MEGF10: variants seen among roughly 807,000 people sequenced by gnomAD.
MEGF10 encodes the protein multiple EGF like domains 10.
Under a neutral mutation model 147.5 loss-of-function variants are expected in MEGF10, and 86 were observed. That is an observed-to-expected ratio of 0.58 (90% confidence interval 0.49 to 0.70). The LOEUF (loss-of-function observed/expected upper bound fraction) is 0.70. MEGF10 is among the 30% of genes least tolerant of loss of function. The pLI is 0.00. For synonymous variants in MEGF10, 478 were observed against 525.5 expected, an observed-to-expected ratio of 0.91 and a Z score of 1.24; for missense variants, 1,329 against 1,487.3, an observed-to-expected ratio of 0.89 and a Z score of 1.75.
the MEGF10 span, among the ~76,000 whole-genome samples, chr5:127,263,729 G>T: frequency 6.6e-6 from 1 of 152,048 alleles, no homozygotes; most frequent in Non-Finnish European, 1.5e-5. Context: ...TGGTTTTTAG[G>T]CTAAGTAATC....
rs192438558 is a variant in MEGF10, at chr5:127,349,200, C to G, written c.319+8570C>G. Among the ~76,000 whole-genome samples the G allele has an allele frequency of 7.9e-5, 12 of 152,242 alleles. No individual in the cohort carries two copies. The East Asian group carries it at 1.7e-3, about 22-fold the overall frequency. On this transcript the variant is annotated intron_variant, in intron 4 of 24. Transcript: ENST00000503335. ...TGAACGCTATAGATTTTGATTCTCTCTCACATTTCTGTGCTTAACTGAAAA... is the reference window on the plus strand; with the variant it reads ...TGAACGCTATAGATTTTGATTCTCTGTCACATTTCTGTGCTTAACTGAAAA...
At chr5:127,272,676 T>C in the MEGF10 span, among the ~76,000 whole-genome samples, 2 of 152,304 alleles carry the variant, frequency 1.3e-5, no homozygotes, top group Admixed American at 6.5e-5. Context: ...TGGTATTTTA[T>C]TCTTTTTGTG....
intron 1 of MEGF10, among the ~76,000 whole-genome samples, chr5:127,324,224 G>C (rs941652864): frequency 6.6e-6 from 1 of 152,174 alleles, no homozygotes; most frequent in Non-Finnish European, 1.5e-5. Context: ...GACAGGCCAG[G>C]AAAATTAAGA....
At chr5:127,406,187 A>G (rs1764313712) in intron 8 of MEGF10, among the ~76,000 whole-genome samples, 1 of 152,246 alleles carries the variant, frequency 6.6e-6, no homozygotes, top group South Asian at 2.1e-4. Context: ...CAATAAACAT[A>G]CAAGGCAAAT....
chr5:127,230,929 A>C, the MEGF10 span, among the ~76,000 whole-genome samples: 1 of 152,140 alleles, frequency 6.6e-6, no homozygotes, highest in Non-Finnish European at 1.5e-5. Flanking sequence ...GAAGAGGCAA[A>C]ATTGCCCAGA....
chr5:127,298,227 C>T (rs1337182868), intron 1 of MEGF10, among the ~76,000 whole-genome samples: 1 of 152,174 alleles, frequency 6.6e-6, no homozygotes, highest in African/African-American at 2.4e-5. Flanking sequence ...GTGGCTTCAG[C>T]GCTGTCCTGC....
chr5:127,257,702 G>A, the MEGF10 span, among the ~76,000 whole-genome samples: 1 of 152,036 alleles, frequency 6.6e-6, no homozygotes, highest in Non-Finnish European at 1.5e-5. Context: ...GCCATATTAG[G>A]GGTATCTTTT....
intron 9 of MEGF10, among the ~76,000 whole-genome samples, chr5:127,412,681 A>AAAAC (rs202213903): frequency 0.017 from 2,530 of 152,284 alleles, 70 homozygotes; most frequent in African/African-American, 0.058. Context: ...GCAGCATTAA[A>AAAAC]AAACAAACAA....
At chr5:127,242,623 C>T in the MEGF10 span, among the ~76,000 whole-genome samples, 12 of 152,210 alleles carry the variant, frequency 7.9e-5, 1 homozygote, top group Admixed American at 5.2e-4. Context: ...TTAGAATCAT[C>T]TGAAGTTATT....
chr5:127,266,746 GC>G, the MEGF10 span, among the ~76,000 whole-genome samples: 1 of 152,194 alleles, frequency 6.6e-6, no homozygotes, highest in Non-Finnish European at 1.5e-5. Context: ...GTATAAGAAT[GC>G]TTGTGATTTT....
intron 4 of MEGF10, among the ~76,000 whole-genome samples, chr5:127,355,852 T>G (rs558570014): frequency 2.0e-5 from 3 of 152,238 alleles, no homozygotes; most frequent in Admixed American, 2.0e-4. Context: ...GCTGCCTATT[T>G]TTTTTTTTCT....
At chr5:127,331,908 C>T (rs1208197156) in intron 2 of MEGF10, among the ~76,000 whole-genome samples, 1 of 151,798 alleles carries the variant, frequency 6.6e-6, no homozygotes, top group African/African-American at 2.4e-5. Context: ...GAGGTAGTGT[C>T]CCCTGAGATG....
chr5:127,386,109 A>T (rs1763422057), intron 5 of MEGF10, among the ~76,000 whole-genome samples: 1 of 152,222 alleles, frequency 6.6e-6, no homozygotes, highest in Non-Finnish European at 1.5e-5. Context: ...ACCTGTCTCT[A>T]AAAACAAACA....
At chr5:127,378,457 A>T (rs1483623853) in intron 5 of MEGF10, among the ~76,000 whole-genome samples, 1 of 151,818 alleles carries the variant, frequency 6.6e-6, no homozygotes, top group African/African-American at 2.4e-5. Flanking sequence ...TTCTTTATTT[A>T]CTTATTTATT....
chr5:127,380,523 CT>C (rs11302362), intron 5 of MEGF10, among the ~76,000 whole-genome samples: 32,233 of 144,874 alleles, frequency 0.22, 3,594 homozygotes, highest in African/African-American at 0.31. Context: ...CTTTCCTTTT[CT>C]TTTTTTTTTT....
chr5:127,333,318 C>A lies in MEGF10; in HGVS notation c.116+1894C>A, dbSNP rs145563132. On this transcript the variant is annotated intron_variant, in intron 2 of 24. Transcript: ENST00000503335. Reference sequence around the variant, plus strand: ...ATCACTTGAGGCCAGGATTTTGAGACCAGCCTGGCCAACATGGCAAAGCCC... The same window carrying A: ...ATCACTTGAGGCCAGGATTTTGAGAACAGCCTGGCCAACATGGCAAAGCCC... Among the ~76,000 whole-genome samples the A allele has an allele frequency of 1.1e-3, 166 of 152,150 alleles. 2 individuals are homozygous for A. The highest frequency in any genetic ancestry group is 1.8e-3 in the Non-Finnish European group (124 of 68,000).
intron 4 of MEGF10, among the ~76,000 whole-genome samples, chr5:127,343,748 C>T (rs1042095917): frequency 2.6e-5 from 4 of 151,772 alleles, no homozygotes; most frequent in Admixed American, 6.6e-5. Flanking sequence ...CCCAGGCATT[C>T]GAGACCAGCA....
the MEGF10 span, among the ~76,000 whole-genome samples, chr5:127,246,503 A>C: frequency 2.6e-5 from 4 of 152,116 alleles, no homozygotes; most frequent in African/African-American, 9.6e-5. Flanking sequence ...TGCCTAATGT[A>C]GATGATGGGT....
chr5:127,425,888 A>G (rs1259412513), intron 13 of MEGF10, among the ~76,000 whole-genome samples: 3 of 152,236 alleles, frequency 2.0e-5, no homozygotes, highest in Admixed American at 6.5e-5. Flanking sequence ...AATATTAAGT[A>G]TCCCTGGACA....
Sources: gnomAD v4.1 joint callset for allele counts (sites outside exome capture counted in the v4.1 genomes callset) on GRCh38, gnomAD v4.1.1 for gene constraint, MANE v1.5 for transcripts, NCBI Gene and HGNC (gene_info 2026-07-23, HGNC 2026-07-21) for gene names.